The following CSMD1 variants were observed in gnomAD, a reference collection of about 807,000 sequenced individuals.
CSMD1 encodes the protein CUB and sushi domain-containing protein 1.
A neutral mutation model predicts 417.5 loss-of-function variants in CSMD1; 213 were observed. The ratio of observed to expected loss-of-function variants is 0.51; its 90% CI spans 0.46 to 0.57. CSMD1 has a LOEUF of 0.57. Among genes scored for constraint, CSMD1 ranks in the 20% least tolerant of loss-of-function variants. The probability of loss-of-function intolerance (pLI) is 0.00; values close to 1 mark genes in which losing one functional copy is unlikely to be tolerated. For missense variants in CSMD1, 6,923 were observed against 4,529.7 expected (o/e 1.53, Z -15.17); for synonymous variants, 2,862 against 1,736.8 (o/e 1.65, Z -16.11).
At chr8:3,976,685 G>C (rs757236857) in intron 5 of CSMD1, among the ~76,000 whole-genome samples, 1 of 152,134 alleles carries the variant, frequency 6.6e-6, no homozygotes, top group Non-Finnish European at 1.5e-5. Context: ...CCTATTCTAA[G>C]ATATTTTACT....
rs549804698 is a variant in CSMD1, at chr8:4,604,900, G to C, written c.302+32442C>G. ...TTTACTTTGACTCTGACGGTGTTCG[G>C]GGTTCAGAATCATGCTTGCGCATGT... is the stretch of plus-strand genomic sequence containing the variant. On this transcript the variant is annotated intron_variant, in intron 2 of 69. Coordinates refer to ENST00000635120, the MANE Select transcript of CSMD1 (RefSeq NM_033225.6). Among the ~76,000 whole-genome samples, 5 of 152,246 alleles carry C rather than the reference G, an allele frequency of 3.3e-5. No individual in the cohort carries two copies. In the South Asian group the frequency reaches 6.2e-4, roughly 19 times the overall value.
intron 3 of CSMD1, among the ~76,000 whole-genome samples, chr8:4,261,809 T>C (rs1369002755): frequency 6.6e-6 from 1 of 152,192 alleles, no homozygotes; most frequent in Non-Finnish European, 1.5e-5. Context: ...CATTTCTCAA[T>C]ATATCACATT....
intron 3 of CSMD1, among the ~76,000 whole-genome samples, chr8:4,391,365 C>A (rs1221202399): frequency 6.6e-6 from 1 of 152,084 alleles, no homozygotes; most frequent in Non-Finnish European, 1.5e-5. Context: ...CTTGCTTTTC[C>A]ACTACAATGC....
At chr8:3,458,083 T>G (rs926890864) in intron 12 of CSMD1, among the ~76,000 whole-genome samples, 4 of 152,208 alleles carry the variant, frequency 2.6e-5, no homozygotes, top group Admixed American at 2.6e-4. Flanking sequence ...CCCAGGAAGT[T>G]TGCTCTAACG....
chr8:3,366,880 TCC>T (rs1563315950), intron 20 of CSMD1, among the ~76,000 whole-genome samples, 150 bp downstream of exon 20: 76 of 152,256 alleles, frequency 5.0e-4, no homozygotes, highest in African/African-American at 1.8e-3. Context: ...AGGCTCAGCC[TCC>T]TGCACCCCAT....
intron 5 of CSMD1, among the ~76,000 whole-genome samples, chr8:3,945,334 T>C (rs975159886): frequency 2.0e-5 from 3 of 152,134 alleles, no homozygotes; most frequent in Admixed American, 6.6e-5. Flanking sequence ...AAAATTACTA[T>C]GGACATAATG....
At chr8:4,899,094 G>C (rs1353544836) in intron 1 of CSMD1, among the ~76,000 whole-genome samples, 1 of 152,166 alleles carries the variant, frequency 6.6e-6, no homozygotes, top group Admixed American at 6.5e-5. Context: ...AGTGTGATCT[G>C]TTACATAAAT....
At chr8:3,666,110 G>T (rs1270147329) in intron 7 of CSMD1, among the ~76,000 whole-genome samples, 1 of 152,174 alleles carries the variant, frequency 6.6e-6, no homozygotes. Flanking sequence ...TGGCCAGGCT[G>T]GTCTTGAACT....
chr8:4,076,470 C>T (rs1198154806), intron 3 of CSMD1, among the ~76,000 whole-genome samples: 1 of 152,098 alleles, frequency 6.6e-6, no homozygotes, highest in African/African-American at 2.4e-5. Context: ...ATAGTGACAG[C>T]AGGTGATGTT....
chr8:3,354,891 C>CTATCTATAGATATCTA (rs1563303940), intron 21 of CSMD1, among the ~76,000 whole-genome samples: 19,023 of 141,966 alleles, frequency 0.13, 1,984 homozygotes, highest in East Asian at 0.31. Flanking sequence ...ATAGATATGT[C>CTATCTATAGATATCTA]TATCTATAGA....
At chr8:4,350,839 G>A (rs1392027487) in intron 3 of CSMD1, among the ~76,000 whole-genome samples, 1 of 152,134 alleles carries the variant, frequency 6.6e-6, no homozygotes, top group African/African-American at 2.4e-5. Flanking sequence ...CTTAGCTGTG[G>A]AGACACTATC....
At chr8:3,940,615 A>T (rs1044035122) in intron 5 of CSMD1, among the ~76,000 whole-genome samples, 8 of 151,804 alleles carry the variant, frequency 5.3e-5, no homozygotes, top group African/African-American at 1.9e-4. Context: ...ACACCACAAC[A>T]CTGCCAATCA....
intron 1 of CSMD1, among the ~76,000 whole-genome samples, chr8:4,736,799 G>C (rs77508081): frequency 0.054 from 8,214 of 152,232 alleles, 618 homozygotes; most frequent in African/African-American, 0.17. Context: ...GTATAAACAA[G>C]TGCCTTCACT....
At chr8:3,951,991 T>G (rs1811629405) in intron 5 of CSMD1, among the ~76,000 whole-genome samples, 1 of 152,214 alleles carries the variant, frequency 6.6e-6, no homozygotes, top group Non-Finnish European at 1.5e-5. Flanking sequence ...CTGATTACAC[T>G]TGGAACAACT....
At chr8:4,118,101 G>C (rs1468183070) in intron 3 of CSMD1, among the ~76,000 whole-genome samples, 5 of 152,236 alleles carry the variant, frequency 3.3e-5, no homozygotes, top group Middle Eastern at 3.4e-3. Context: ...TAAGGCTTGT[G>C]TGTTTGCAGG....
At chr8:4,066,577 T>C (rs1401672539) in intron 3 of CSMD1, among the ~76,000 whole-genome samples, 1 of 152,238 alleles carries the variant, frequency 6.6e-6, no homozygotes, top group African/African-American at 2.4e-5. Flanking sequence ...GATGTGGTAA[T>C]TGTAGTTCAC....
chr8:4,144,001 G>T (rs942307616), intron 3 of CSMD1, among the ~76,000 whole-genome samples: 1 of 151,298 alleles, frequency 6.6e-6, no homozygotes, highest in Non-Finnish European at 1.5e-5. Context: ...TCTGAGACAC[G>T]GTGGAAGGAG....
chr8:3,201,295 A>G (rs1255079333), intron 32 of CSMD1, among the ~76,000 whole-genome samples: 5 of 152,208 alleles, frequency 3.3e-5, no homozygotes, highest in Admixed American at 3.3e-4. Context: ...GAAGGTTAAG[A>G]CACATGGGAT....
At chr8:3,671,626 TA>T (rs1799072903) in intron 7 of CSMD1, among the ~76,000 whole-genome samples, 1 of 145,528 alleles carries the variant, frequency 6.9e-6, no homozygotes, top group Non-Finnish European at 1.5e-5. Context: ...TAACCCTGAC[TA>T]ATATACCATC....
Sources: gnomAD v4.1 joint callset for allele counts (sites outside exome capture counted in the v4.1 genomes callset) on GRCh38, gnomAD v4.1.1 for gene constraint, MANE v1.5 for transcripts, NCBI Gene and HGNC (gene_info 2026-07-23, HGNC 2026-07-21) for gene names.